The following ZNF831 variants were observed in gnomAD, a reference collection of about 807,000 sequenced individuals.
The protein encoded by ZNF831 is chromosome 20 open reading frame 174.
Under a neutral mutation model 95.8 loss-of-function variants are expected in ZNF831, and 59 were observed. That is an observed-to-expected ratio of 0.62 (90% CI 0.50 to 0.77). The LOEUF is 0.77. Ranked by LOEUF, ZNF831 falls within the 30% of genes least tolerant of loss-of-function variation. ZNF831 has a pLI of 0.00. For synonymous variants in ZNF831, 961 were observed against 925.5 expected, an observed-to-expected ratio of 1.04 and a Z score of -0.70; for missense variants, 2,205 against 2,164.0, an observed-to-expected ratio of 1.02 and a Z score of -0.38.
intron 1 of ZNF831, among the ~76,000 whole-genome samples, chr20:59,123,862 T>A (rs1979080178): frequency 1.3e-5 from 2 of 152,178 alleles, no homozygotes; most frequent in Admixed American, 1.3e-4. Flanking sequence ...TGGGCTCCAA[T>A]CAGGCATCTC....
At chr20:59,176,110 A>G (rs923526105) in intron 1 of ZNF831, among the ~76,000 whole-genome samples, 9 of 152,228 alleles carry the variant, frequency 5.9e-5, no homozygotes, top group African/African-American at 2.2e-4. Flanking sequence ...ACTGTGGCAC[A>G]CCCACACCGT....
intron 4 of ZNF831, among the ~76,000 whole-genome samples, chr20:59,250,382 G>A (rs555154373): frequency 1.3e-5 from 2 of 152,164 alleles, no homozygotes; most frequent in African/African-American, 4.8e-5. Context: ...ACCAGTACAC[G>A]TGGAGACCTG....
chr20:59,222,295 C>G (rs545674773), intron 4 of ZNF831, among the ~76,000 whole-genome samples: 1 of 152,048 alleles, frequency 6.6e-6, no homozygotes, highest in South Asian at 2.1e-4. Context: ...GGGCGGGCGG[C>G]GGGGTGGGTG....
At chr20:59,207,412 C>G (rs921981748) in intron 4 of ZNF831, among the ~76,000 whole-genome samples, 2 of 152,212 alleles carry the variant, frequency 1.3e-5, no homozygotes, top group African/African-American at 4.8e-5. Context: ...AGAAAGCTCA[C>G]TCAGTTCTCT....
intron 1 of ZNF831, among the ~76,000 whole-genome samples, chr20:59,187,130 A>G (rs529618715): frequency 2.0e-5 from 3 of 152,264 alleles, no homozygotes; most frequent in East Asian, 3.9e-4. Context: ...AAATGGCCCC[A>G]AGATCCCTGA....
chr20:59,192,145 G>T lies in ZNF831; in HGVS notation c.1126G>T (p.Glu376Ter). ...LSEHSAESEG[E>*]GGPGPGPGVA... ...GGAGCACAGCGCCGAGTCCGAGGGG[G>T]AGGGCGGCCCGGGCCCGGGGCCAGG... Residue 376 changes from glutamate (E) to a stop codon, truncating the protein, a stop_gained, in exon 2 of 6, where the codon GAG (glutamate) becomes TAG (stop). Transcript: ENST00000371030. LOFTEE classifies it high-confidence loss of function. This position sits in a 1 kb window ranked among gnomAD's most constrained non-coding sequence, Gnocchi z 5.2. The T allele has an allele frequency of 6.4e-7, 1 of 1,564,118 alleles. No homozygotes were observed. The highest frequency in any genetic ancestry group is 8.6e-7 in the Non-Finnish European group (1 of 1,161,540).
At chr20:59,152,675 C>T (rs1258901649) in intron 2 of ZNF831, among the ~76,000 whole-genome samples, 1 of 152,080 alleles carries the variant, frequency 6.6e-6, no homozygotes, top group African/African-American at 2.4e-5. Context: ...CGAGGCTTCC[C>T]TGAGGGCATA....
chr20:59,200,206 A>G (rs1984427324), intron 3 of ZNF831, among the ~76,000 whole-genome samples: 1 of 152,186 alleles, frequency 6.6e-6, no homozygotes, highest in Non-Finnish European at 1.5e-5. Flanking sequence ...TCCATTAGGA[A>G]TCCACAGGGC....
In ZNF831 at chr20:59,167,707, C is replaced by A. The variant is rs555810070; in HGVS notation, c.-37+3500C>A. ...CTGCGGAAGTCAATTGTTTCAGCAT[C>A]ATTTGTTGAAACATCTACACTCTCT... On this transcript the variant is annotated intron_variant, in intron 1 of 5. Transcript: ENST00000371030. 1.5e-4 allele frequency among the ~76,000 whole-genome samples: 22 copies of A among 150,744 alleles called. No individual in the cohort carries two copies. In the South Asian group the frequency reaches 4.6e-3, roughly 32 times the overall value.
At chr20:59,219,254 C>T (rs1341370751) in intron 4 of ZNF831, among the ~76,000 whole-genome samples, 1 of 152,098 alleles carries the variant, frequency 6.6e-6, no homozygotes, top group Non-Finnish European at 1.5e-5. Flanking sequence ...GGTTAGGAAC[C>T]GGTTGGTGGA....
chr20:59,217,162 CTGTG>C lies in ZNF831; in HGVS notation c.4027+10136_4027+10139del, dbSNP rs201079519. Among the ~76,000 whole-genome samples the C allele has an allele frequency of 2.5e-3, 373 of 148,682 alleles. 2 individuals carry two copies. The highest frequency in any genetic ancestry group is 5.2e-3 in the South Asian group (24 of 4,660). ...GAGTACATCTGACAGATCTTCATCT[CTGTG>C]TGTGTGTGTGTGTGTGTGTGTGTGT... On this transcript the variant is annotated intron_variant, in intron 4 of 5. Coordinates refer to ENST00000371030, the MANE Select transcript of ZNF831 (RefSeq NM_178457.3). This position sits in a 1 kb window ranked among gnomAD's most constrained non-coding sequence, Gnocchi z 4.4.
At chr20:59,150,151 C>T (rs1047839516) in intron 2 of ZNF831, among the ~76,000 whole-genome samples, 4 of 152,192 alleles carry the variant, frequency 2.6e-5, no homozygotes, top group Non-Finnish European at 5.9e-5. Flanking sequence ...TAGATTTTTA[C>T]CTCAATTAGG....
At chr20:59,215,383 T>C (rs909767074) in intron 4 of ZNF831, among the ~76,000 whole-genome samples, 1 of 152,254 alleles carries the variant, frequency 6.6e-6, no homozygotes, top group African/African-American at 2.4e-5. Context: ...AGAACTACAT[T>C]GAGTTTATGG....
At chr20:59,216,974 GCTCCAC>G (rs909422664) in intron 4 of ZNF831, among the ~76,000 whole-genome samples, 1 of 151,910 alleles carries the variant, frequency 6.6e-6, no homozygotes, top group Non-Finnish European at 1.5e-5. Flanking sequence ...CAAAAGTGAT[GCTCCAC>G]CTAGAGGGGC....
intron 1 of ZNF831, among the ~76,000 whole-genome samples, chr20:59,127,285 A>G (rs1979203405): frequency 3.3e-5 from 5 of 152,014 alleles, no homozygotes; most frequent in Admixed American, 2.0e-4. Context: ...ATCATAGACC[A>G]TCCACTTCTC....
chr20:59,188,508 T>C (rs1983245235), intron 1 of ZNF831, among the ~76,000 whole-genome samples: 1 of 152,126 alleles, frequency 6.6e-6, no homozygotes, highest in Admixed American at 6.5e-5. Context: ...GTTACAAAAA[T>C]TATCTGGGTG....
At position 59,206,967 on chromosome 20, in the gene ZNF831, C is replaced by T. The variant is rs755996827; in HGVS notation, c.3938C>T (p.Thr1313Ile). The change falls in exon 4 of 6, where the codon ACC (threonine) becomes ATC (isoleucine). Residue 1313 changes from threonine (T) to isoleucine (I), a missense_variant. By Grantham distance (89) the Thr-to-Ile change is moderately conservative. Transcript: ENST00000371030. ...QLRASRLRTP[T>I]WVRRRSRHPP... Reference sequence around the variant, plus strand: ...AGAGCCAGTAGACTTCGCACACCAACCTGGGTGCGAAGAAGAAGCCGCCAC... The same window carrying T: ...AGAGCCAGTAGACTTCGCACACCAATCTGGGTGCGAAGAAGAAGCCGCCAC... 4 of 1,614,152 alleles carry T rather than the reference C, an allele frequency of 2.5e-6. No homozygotes were observed. The highest frequency in any genetic ancestry group is 3.4e-6 in the Non-Finnish European group (4 of 1,180,020).
intron 4 of ZNF831, among the ~76,000 whole-genome samples, chr20:59,207,295 A>G (rs1034077682): frequency 6.6e-6 from 1 of 152,234 alleles, no homozygotes; most frequent in Non-Finnish European, 1.5e-5. Context: ...AATATCCTTG[A>G]GTACTGGCCA....
chr20:59,166,464 A>T (rs925495930), intron 1 of ZNF831, among the ~76,000 whole-genome samples: 5 of 152,224 alleles, frequency 3.3e-5, no homozygotes, highest in Non-Finnish European at 7.3e-5. Flanking sequence ...CAATAGCAAC[A>T]TCTTGCAAAT....
Sources: allele counts gnomAD v4.1 joint callset (sites outside exome capture counted in the v4.1 genomes callset), GRCh38; gene constraint gnomAD v4.1.1; non-coding constraint Gnocchi (gnomAD v3.1); transcripts MANE v1.5; gene names NCBI Gene and HGNC (gene_info 2026-07-23, HGNC 2026-07-21).